CHD1: variants seen among roughly 807,000 people sequenced by gnomAD.
CHD1 encodes the protein ATP-dependent chromatin remodeler CHD1.
CHD1 carries 36 observed loss-of-function variants against 224.2 expected under a neutral mutation model. The observed-to-expected ratio is 0.16, with a 90% CI of 0.12 to 0.21. The LOEUF (loss-of-function observed/expected upper bound fraction) is 0.21, where lower values mean the gene tolerates loss of function less well. Ranked by LOEUF, CHD1 falls within the 10% of genes least tolerant of loss-of-function variation. The pLI is 1.00. For synonymous variants in CHD1, 668 were observed against 658.3 expected (o/e 1.01, Z -0.23); for missense variants, 1,378 against 1,994.8 (o/e 0.69, Z 5.89).
At chr5:98,926,662 T>C in intron 1 of CHD1, 128 bp from the exon 2 acceptor site, 2 of 222,488 alleles carry the variant, frequency 9.0e-6, no homozygotes, top group East Asian at 9.3e-5. Flanking sequence ...GTGGGGGCCT[T>C]TTATTAAATA....
intron 29 of CHD1, 151 bp from the exon 30 acceptor site, chr5:98,870,033 G>A: frequency 1.8e-6 from 1 of 567,238 alleles, no homozygotes; most frequent in Non-Finnish European, 3.1e-6. Flanking sequence ...CTCAATAAAG[G>A]TGATATAACT....
chr5:98,886,879 G>T (rs1306986409), intron 17 of CHD1, among the ~76,000 whole-genome samples: 1 of 152,094 alleles, frequency 6.6e-6, no homozygotes, highest in Non-Finnish European at 1.5e-5. Context: ...GGAATGAGAA[G>T]GAATTAGCAA....
At chr5:98,857,815 T>C (rs1030812712) in intron 35 of CHD1, among the ~76,000 whole-genome samples, 1 of 152,018 alleles carries the variant, frequency 6.6e-6, no homozygotes, top group African/African-American at 2.4e-5. Context: ...GAATGCAAAA[T>C]TTCCTAAACC....
intron 2 of CHD1, among the ~76,000 whole-genome samples, chr5:98,923,271 A>G (rs991608818): frequency 5.3e-5 from 8 of 152,228 alleles, no homozygotes; most frequent in African/African-American, 1.4e-4. Flanking sequence ...TAAAAACTAG[A>G]TAACTTGATA....
intron 3 of CHD1, among the ~76,000 whole-genome samples, chr5:98,904,139 T>C (rs989425765): frequency 6.6e-6 from 1 of 152,184 alleles, no homozygotes; most frequent in African/African-American, 2.4e-5. Context: ...TATTAATCAA[T>C]ATCCTCTTGA....
At chr5:98,904,244 G>C (rs1049658006) in intron 3 of CHD1, among the ~76,000 whole-genome samples, 1 of 152,124 alleles carries the variant, frequency 6.6e-6, no homozygotes, top group Non-Finnish European at 1.5e-5. Context: ...ATACGTCAAC[G>C]ATGTCACTAG....
intron 33 of CHD1, among the ~76,000 whole-genome samples, chr5:98,859,480 C>T (rs1748302074): frequency 6.6e-6 from 1 of 152,080 alleles, no homozygotes; most frequent in South Asian, 2.1e-4. Flanking sequence ...TGGGACAGCT[C>T]CTTAGTCTAC....
chr5:98,872,161 T>C lies in CHD1; in HGVS notation c.3751A>G (p.Ile1251Val). The C allele has an allele frequency of 1.2e-6, 2 of 1,613,806 alleles. No homozygotes were observed. The highest frequency in any genetic ancestry group is 8.5e-7 in the Non-Finnish European group (1 of 1,179,772). ...GAATCATCTTCTTTGCCCCAGTCTA[T>C]ATCAAAATGAGCTGCCTTTGTGTGG... ...PCHTKAAHFD[I>V]DWGKEDDSNL... The change falls in exon 28 of 36, where the codon ATA becomes GTA. Residue 1251 changes from isoleucine to valine, a missense_variant. Ile to Val is a conservative substitution (Grantham distance 29, BLOSUM62 3). This residue lies in a region of CHD1 where 286 missense variants were observed against 445.1 expected (regional missense o/e 0.64). Transcript: ENST00000614616.
intron 2 of CHD1, 134 bp from the exon 3 acceptor site, chr5:98,905,232 G>C (rs1024589338): frequency 3.9e-6 from 4 of 1,015,370 alleles, no homozygotes; most frequent in African/African-American, 1.6e-5. Flanking sequence ...CCAAAAAAAA[G>C]AAAAAGGAAT....
chr5:98,890,025 C>T (rs1476044087), intron 15 of CHD1, among the ~76,000 whole-genome samples: 1 of 152,126 alleles, frequency 6.6e-6, no homozygotes, highest in East Asian at 1.9e-4. Flanking sequence ...TGGACATAAA[C>T]ATGTAACAAC....
rs1048126210 is a variant in CHD1, at chr5:98,898,599, T to C, written c.1186+65A>G. The stretch of plus-strand genomic sequence containing the variant: ...GTGTTTGATATGTAAGTGGCAAACT[T>C]ATGACTTTTTTCAGATTATTTCAAG... On this transcript the variant is annotated intron_variant, in intron 9 of 35. Coordinates refer to ENST00000614616, the MANE Select transcript of CHD1 (RefSeq NM_001270.4). The C allele has an allele frequency of 3.1e-6, 4 of 1,280,404 alleles. No homozygotes were observed. In the Admixed American group the frequency reaches 6.3e-5, roughly 20 times the overall value. 79.3% of individuals were successfully genotyped at this position (1,280,404 alleles called of 1,614,324 possible).
At chr5:98,859,574 A>G (rs1443373997) in intron 33 of CHD1, among the ~76,000 whole-genome samples, 6 of 152,096 alleles carry the variant, frequency 3.9e-5, no homozygotes, top group Non-Finnish European at 8.8e-5. Flanking sequence ...ATATTTTCAC[A>G]TAATAACACA....
intron 2 of CHD1, among the ~76,000 whole-genome samples, chr5:98,911,707 T>C (rs1752435443): frequency 6.6e-6 from 1 of 152,056 alleles, no homozygotes. Context: ...GTACGCAGAG[T>C]AAGGAATGCA....
chr5:98,892,252 T>C (rs1751069433), intron 15 of CHD1, among the ~76,000 whole-genome samples: 1 of 152,200 alleles, frequency 6.6e-6, no homozygotes, highest in East Asian at 1.9e-4. Flanking sequence ...TCCTAACACT[T>C]AAACTCTTTA....
intron 2 of CHD1, among the ~76,000 whole-genome samples, chr5:98,907,889 AAG>A (rs1752150987): frequency 6.6e-6 from 1 of 152,102 alleles, no homozygotes; most frequent in Non-Finnish European, 1.5e-5. Context: ...TTTTTTTAAA[AAG>A]AGATTTTTAA....
At chr5:98,871,423 C>A in intron 28 of CHD1, among the ~76,000 whole-genome samples, 1 of 123,510 alleles carries the variant, frequency 8.1e-6, no homozygotes, top group African/African-American at 3.1e-5. Flanking sequence ...CACAGTGCAA[C>A]CAAATGACCA....
chr5:98,904,048 T>C, intron 3 of CHD1, 140 bp from the exon 4 acceptor site: 2 of 589,518 alleles, frequency 3.4e-6, no homozygotes, highest in East Asian at 5.7e-5. Context: ...TGTAACACAA[T>C]TATCATTGCA....
chr5:98,856,848 T>C (rs1337240253), intron 35 of CHD1, 123 bp from the exon 36 acceptor site: 2 of 665,702 alleles, frequency 3.0e-6, no homozygotes, highest in Non-Finnish European at 5.0e-6. Flanking sequence ...AAATTCAGTG[T>C]TGCATTATAA....
Position 98,855,017 on chromosome 5 carries a change from T to C in CHD1, c.*1363A>G, listed in dbSNP as rs756445514. 6.6e-6 allele frequency: 1 copy of C among 152,186 alleles called. No homozygotes were observed. The highest frequency in any genetic ancestry group is 1.5e-5 in the Non-Finnish European group (1 of 68,034). The allele number at this position is 152,186 out of a possible 1,614,324, so 9.4% of individuals were successfully genotyped here. A position where few individuals can be genotyped will look rare whatever the true frequency, so the allele number is the denominator to read the frequency against. On this transcript the variant is annotated 3_prime_UTR_variant, in exon 36 of 36. Coordinates refer to ENST00000614616, the MANE Select transcript of CHD1 (RefSeq NM_001270.4). ...TGTCTATGACCTAAGTTTTACTTCA[T>C]AGGAATATTCATAGTCTCCAAAACA...
Sources: allele counts gnomAD v4.1 joint callset (sites outside exome capture counted in the v4.1 genomes callset), GRCh38; gene constraint gnomAD v4.1.1; regional missense constraint gnomAD v4.1.1; transcripts MANE v1.5; gene names NCBI Gene and HGNC (gene_info 2026-07-23, HGNC 2026-07-21).